The following BEST1 variants were observed in gnomAD, a reference collection of about 807,000 sequenced individuals.
BEST1 encodes the protein bestrophin-1.
A neutral mutation model predicts 63.3 loss-of-function variants in BEST1; 58 were observed. The observed-to-expected ratio is 0.92, with a 90% CI of 0.74 to 1.14. The LOEUF is 1.14. BEST1 is among the 50% of genes most tolerant of loss of function. The pLI is 0.00. For synonymous variants in BEST1, 283 were observed against 291.6 expected (o/e 0.97, Z 0.30); for missense variants, 671 against 740.1 (o/e 0.91, Z 1.08).
At chr11:61,952,443 G>C (rs1591269449) in intron 2 of BEST1, among the ~76,000 whole-genome samples, 2 of 145,354 alleles carry the variant, frequency 1.4e-5, no homozygotes, top group Admixed American at 1.4e-4. Flanking sequence ...TACTGCACTT[G>C]ACCAACCACA....
chr11:61,954,613 G>T (rs1480907204), intron 2 of BEST1, among the ~76,000 whole-genome samples: 1 of 152,114 alleles, frequency 6.6e-6, no homozygotes, highest in Non-Finnish European at 1.5e-5. Flanking sequence ...ACGACTGCAG[G>T]CATACGGCAA....
At chr11:61,955,395 G>T in intron 3 of BEST1, 194 bp downstream of exon 3, 1 of 1,450,010 alleles carries the variant, frequency 6.9e-7, no homozygotes. Context: ...TAGGTAAGAC[G>T]TCCTGCCGTT....
chr11:61,958,627 G>T, intron 7 of BEST1: 1 of 576,750 alleles, frequency 1.7e-6, no homozygotes. Flanking sequence ...AAGGCAGATC[G>T]GCACCACCTC....
downstream of BEST1, chr11:61,965,438 C>T (rs1942431076): frequency 1.2e-6 from 2 of 1,612,970 alleles, no homozygotes; most frequent in South Asian, 2.2e-5. Flanking sequence ...CAGCATGTTC[C>T]CTCTCCTCAT....
chr11:61,964,865 G>A (rs947836215), downstream of BEST1: 1 of 1,604,858 alleles, frequency 6.2e-7, no homozygotes, highest in Non-Finnish European at 8.5e-7. Flanking sequence ...GCTCATTCAG[G>A]TAATGTGTCT....
At chr11:61,955,417 C>T in intron 3 of BEST1, 1 of 1,427,660 alleles carries the variant, frequency 7.0e-7, no homozygotes, top group African/African-American at 1.4e-5. Context: ...GCAATGAAAA[C>T]CCCATTTTCT....
intron 10 of BEST1, chr11:61,963,850 T>A: frequency 8.1e-7 from 1 of 1,240,708 alleles, no homozygotes; most frequent in Non-Finnish European, 1.0e-6. Flanking sequence ...CCAAAAAAAA[T>A]ACAAATCAGC....
rs1941614432 is a variant in BEST1, at chr11:61,958,250, G to C, written c.819G>C (p.Val273=). The C allele has an allele frequency of 6.2e-7, 1 of 1,614,220 alleles. No individual in the cohort carries two copies. Among genetic ancestry groups the C allele is most frequent in the Non-Finnish European group, 8.5e-7 (1 of 1,180,026 alleles). ...AYPGHELDLV[V]PVFTFLQFFF... Reference sequence around the variant, plus strand: ...CTGGCCATGAGCTGGACCTCGTTGTGCCCGTCTTCACGTTCCTGCAGTTCT... The same window carrying C: ...CTGGCCATGAGCTGGACCTCGTTGTCCCCGTCTTCACGTTCCTGCAGTTCT... Residue 273 remains valine, a synonymous_variant, in exon 7 of 11, where the codon GTG becomes GTC. Coordinates refer to ENST00000378043, the MANE Select transcript of BEST1 (RefSeq NM_004183.4).
chr11:61,964,396 A>C lies in BEST1; in HGVS notation c.*274A>C. The C allele has an allele frequency of 6.1e-6, 4 of 654,904 alleles. No homozygotes were observed. Among genetic ancestry groups the C allele is most frequent in the Non-Finnish European group, 1.0e-5 (4 of 389,468 alleles). 40.6% of individuals were successfully genotyped at this position (654,904 alleles called of 1,614,324 possible). ...GTCGGGAACCCTTAGTTCTATCTGA[A>C]TCCAAGACAGCCACACCTTAGTATA... is the stretch of plus-strand genomic sequence containing the variant. On this transcript the variant is annotated 3_prime_UTR_variant, in exon 11 of 11. Coordinates refer to ENST00000378043, the MANE Select transcript of BEST1 (RefSeq NM_004183.4).
chr11:61,962,182 G>A, intron 9 of BEST1, 73 bp from the exon 10 acceptor site: 2 of 1,542,594 alleles, frequency 1.3e-6, no homozygotes, highest in South Asian at 1.1e-5. Flanking sequence ...AGGAGCGGGG[G>A]TAAGGGAGAA....
chr11:61,955,525 GA>G (rs2134428353), intron 3 of BEST1, 192 bp from the exon 4 acceptor site: 1 of 1,020,932 alleles, frequency 9.8e-7, no homozygotes, highest in South Asian at 1.7e-5. Flanking sequence ...CCGGGTGACA[GA>G]ACCCTTGGGG....
intron 7 of BEST1, chr11:61,958,560 A>G (rs934367469): frequency 1.2e-6 from 1 of 844,352 alleles, no homozygotes; most frequent in Non-Finnish European, 1.9e-6. Context: ...ACTCTATCTC[A>G]AAAACAACAA....
At chr11:61,960,543 G>A (rs1941961645) in intron 9 of BEST1, 1 of 185,708 alleles carries the variant, frequency 5.4e-6, no homozygotes, top group South Asian at 9.0e-5. Flanking sequence ...GCTAATTTTT[G>A]TACTTTTAGT....
chr11:61,955,048 A>G, intron 2 of BEST1, 59 bp from the exon 3 acceptor site: 1 of 1,607,146 alleles, frequency 6.2e-7, no homozygotes, highest in South Asian at 1.1e-5. Context: ...AGACCTGGGG[A>G]CAGTCTCAGC....
chr11:61,950,830 G>T (rs1229329259), intron 1 of BEST1, among the ~76,000 whole-genome samples: 3 of 152,236 alleles, frequency 2.0e-5, no homozygotes, highest in Non-Finnish European at 4.4e-5. Flanking sequence ...CAGAGCACCG[G>T]TGGCAGTGGG....
intron 2 of BEST1, chr11:61,954,764 C>T (rs1173340741): frequency 2.0e-6 from 2 of 980,782 alleles, no homozygotes; most frequent in Non-Finnish European, 2.4e-6. Flanking sequence ...CACTCTGTTT[C>T]GACCTGCTTT....
At chr11:61,965,360 T>C, downstream of BEST1, 2 of 1,612,596 alleles carry the variant, frequency 1.2e-6, no homozygotes, top group Non-Finnish European at 1.7e-6. Context: ...CCTAGGATCT[T>C]TTGTTCACCT....
At chr11:61,965,316 AC>A (rs1942427258), downstream of BEST1, 1 of 1,610,632 alleles carries the variant, frequency 6.2e-7, no homozygotes, top group South Asian at 1.1e-5. Context: ...GATTTCTGAT[AC>A]CCGAACACTG....
chr11:61,961,549 C>T (rs1225851667), intron 9 of BEST1: 2 of 153,648 alleles, frequency 1.3e-5, no homozygotes, highest in Admixed American at 1.3e-4. Context: ...TAGACCTTGT[C>T]TCCAAGGAAT....
Sources: gnomAD v4.1 joint callset for allele counts (sites outside exome capture counted in the v4.1 genomes callset) on GRCh38, gnomAD v4.1.1 for gene constraint, MANE v1.5 for transcripts, NCBI Gene and HGNC (gene_info 2026-07-23, HGNC 2026-07-21) for gene names.